The following RP1L1 variants were observed in gnomAD, a reference collection of about 807,000 sequenced individuals.
RP1L1 encodes the protein retinitis pigmentosa 1-like 1 protein.
A neutral mutation model predicts 15.7 loss-of-function variants in RP1L1; 27 were observed. The observed-to-expected ratio is 1.72, with a 90% CI of 1.27 to 2.38. The LOEUF (loss-of-function observed/expected upper bound fraction) is 2.38, where lower values mean the gene tolerates loss of function less well. Ranked by LOEUF, RP1L1 falls within the 30% of genes most tolerant of loss-of-function variation. The pLI is 0.00. For synonymous variants in RP1L1, 1,813 were observed against 1,276.7 expected (o/e 1.42, Z -8.96); for missense variants, 4,798 against 3,075.9 (o/e 1.56, Z -13.24).
chr8:10,617,386 G>A (rs1228286375), intron 2 of RP1L1, among the ~76,000 whole-genome samples: 1 of 125,450 alleles, frequency 8.0e-6, no homozygotes, highest in Non-Finnish European at 1.6e-5. Context: ...AATTATAAGG[G>A]TATGCTCATT....
chr8:10,650,229 T>G (rs1798538780), intron 1 of RP1L1, among the ~76,000 whole-genome samples: 1 of 152,102 alleles, frequency 6.6e-6, no homozygotes. Flanking sequence ...AGTGAGTTAA[T>G]CAACCCCAAA....
rs1440669904 is a variant in RP1L1, at chr8:10,607,337, T to G, written c.6761A>C (p.Gln2254Pro). ...AGATTGGCCATCTCCTAGACTGACC[T>G]GAGGGCTCCCCTTTTTCTCACCTTG... ...ETQGEKKGSP[Q>P]VSLGDGQSEE... Residue 2254 changes from glutamine (Q) to proline (P), a missense_variant, in exon 4 of 4, where the codon CAG (glutamine) becomes CCG (proline). By Grantham distance (76) the Gln-to-Pro change is moderately conservative. Coordinates refer to ENST00000382483, the MANE Select transcript of RP1L1 (RefSeq NM_178857.6). 6 of 1,614,116 alleles carry G rather than the reference T, an allele frequency of 3.7e-6. No individual in the cohort carries two copies. Among genetic ancestry groups the G allele is most frequent in the African/African-American group, 1.3e-5 (1 of 74,950 alleles).
At position 10,623,004 on chromosome 8, in the gene RP1L1, G is replaced by C. The variant is rs148800956; in HGVS notation, c.198C>G (p.Asp66Glu). ...AGAGAGGCACGCGCTGGGAGAGCTC[G>C]TCCATGAGGGCGCTGAAGGTCTTAA... ...RAFKTFSALMDELSQRVPLSF... is the reference protein window; with the variant it reads ...RAFKTFSALMEELSQRVPLSF... The change falls in exon 2 of 4, where the codon GAC (aspartate) becomes GAG (glutamate). Residue 66 changes from aspartate (D) to glutamate (E), a missense_variant. Transcript: ENST00000382483. The C allele has an allele frequency of 6.2e-6, 10 of 1,614,132 alleles. No individual in the cohort carries two copies. Among genetic ancestry groups the C allele is most frequent in the Admixed American group, 3.3e-5 (2 of 60,024 alleles).
At chr8:10,622,199 T>TA (rs748415525) in intron 2 of RP1L1, among the ~76,000 whole-genome samples, 3 of 152,030 alleles carry the variant, frequency 2.0e-5, no homozygotes, top group Non-Finnish European at 4.4e-5. Context: ...CACATGCCTG[T>TA]AATCCCAGCT....
At chr8:10,623,615 C>A (rs1335394023) in intron 1 of RP1L1, among the ~76,000 whole-genome samples, 12 of 150,544 alleles carry the variant, frequency 8.0e-5, no homozygotes, top group Non-Finnish European at 5.9e-5. Flanking sequence ...GTCCCCAGCA[C>A]TTCCATGTCC....
intron 3 of RP1L1, 45 bp from the exon 4 acceptor site, chr8:10,613,391 G>A: frequency 1.9e-6 from 3 of 1,598,264 alleles, no homozygotes; most frequent in Non-Finnish European, 2.5e-6. Flanking sequence ...AAGACTGTGA[G>A]CCATGGGGGC....
chr8:10,608,715 C>G lies in RP1L1; in HGVS notation c.5383G>C (p.Glu1795Gln). The change falls in exon 4 of 4, where the codon GAG becomes CAG. Residue 1795 changes from glutamate (E) to glutamine (Q), a missense_variant. Physicochemically the swap from Glu to Gln is conservative, Grantham distance 29. Coordinates refer to ENST00000382483, the MANE Select transcript of RP1L1 (RefSeq NM_178857.6). ...GTTTCTCCCCTTTCACTTATGCCCT[C>G]TCCCTCCTGCTCAGCTTCCCCCAAC... ...SELGEAEQEG[E>Q]GISERGETGG... 1 of 1,614,262 alleles carries G rather than the reference C, an allele frequency of 6.2e-7. No individual in the cohort carries two copies. The highest frequency in any genetic ancestry group is 8.5e-7 in the Non-Finnish European group (1 of 1,180,056).
Position 10,608,766 on chromosome 8 carries a change from T to C in RP1L1, c.5332A>G (p.Asn1778Asp). Residue 1778 changes from asparagine to aspartate, a missense_variant, in exon 4 of 4, where the codon AAC (asparagine) becomes GAC (aspartate). Coordinates refer to ENST00000382483, the MANE Select transcript of RP1L1 (RefSeq NM_178857.6). Reference sequence around the variant, plus strand: ...TCACTGCCCGCACTGGTTTCACTGTTGTGGGTTTTCCCTTCTCTCTCCTGA... The same window carrying C: ...TCACTGCCCGCACTGGTTTCACTGTCGTGGGTTTTCCCTTCTCTCTCCTGA... ...MAQEREGKTH[N>D]SETSAGSELG... The C allele has an allele frequency of 6.2e-7, 1 of 1,614,224 alleles. No homozygotes were observed. Among genetic ancestry groups the C allele is most frequent in the Non-Finnish European group, 8.5e-7 (1 of 1,180,042 alleles).
In RP1L1 at chr8:10,622,672, T is replaced by C; in HGVS notation, c.530A>G (p.Asn177Ser). ...TVVLSHRNTR[N>S]LAAFLGKASD... The stretch of plus-strand genomic sequence containing the variant: ...GGCTTTGCCGAGAAAGGCGGCCAGG[T>C]TCCTAGTATTCCTGTGACTGAGAAC... The change falls in exon 2 of 4, where the codon AAC becomes AGC. Residue 177 changes from asparagine (N) to serine (S), a missense_variant. Coordinates refer to ENST00000382483, the MANE Select transcript of RP1L1 (RefSeq NM_178857.6). The C allele has an allele frequency of 6.2e-7, 1 of 1,614,112 alleles. No homozygotes were observed. The highest frequency in any genetic ancestry group is 8.5e-7 in the Non-Finnish European group (1 of 1,180,022).
intron 1 of RP1L1, among the ~76,000 whole-genome samples, chr8:10,631,334 T>C (rs201767546): frequency 2.2e-3 from 29 of 13,388 alleles, no homozygotes; most frequent in East Asian, 0.028. Context: ...CACACACACA[T>C]GCACACACAC....
At chr8:10,646,927 T>TC (rs1019803463) in intron 1 of RP1L1, among the ~76,000 whole-genome samples, 24 of 151,960 alleles carry the variant, frequency 1.6e-4, no homozygotes, top group Admixed American at 1.3e-3. Context: ...AATGCCAACC[T>TC]CCCCCCCTCA....
intron 1 of RP1L1, among the ~76,000 whole-genome samples, chr8:10,646,272 G>A (rs1246469552): frequency 2.6e-5 from 4 of 152,224 alleles, no homozygotes; most frequent in Non-Finnish European, 2.9e-5. Flanking sequence ...GGTGGAGGAC[G>A]TGGAGGCTCA....
intron 3 of RP1L1, among the ~76,000 whole-genome samples, chr8:10,613,600 C>CAAAAAAAAAAAAAA (rs71203341): frequency 1.6e-5 from 1 of 62,376 alleles, no homozygotes. Context: ...ACCATCTCTC[C>CAAAAAAAAAAAAAA]AAAAAAAAAA....
chr8:10,617,894 T>C (rs1797996886), intron 2 of RP1L1, among the ~76,000 whole-genome samples: 1 of 152,160 alleles, frequency 6.6e-6, no homozygotes, highest in Non-Finnish European at 1.5e-5. Context: ...ATTTCTTCTT[T>C]GATTTGGACT....
chr8:10,616,972 C>A (rs1430036797), intron 2 of RP1L1, among the ~76,000 whole-genome samples: 1 of 152,166 alleles, frequency 6.6e-6, no homozygotes, highest in Non-Finnish European at 1.5e-5. Context: ...CACAGCGGGG[C>A]CCGATTCACT....
chr8:10,633,049 A>C (rs1798275755), intron 1 of RP1L1, among the ~76,000 whole-genome samples: 1 of 152,166 alleles, frequency 6.6e-6, no homozygotes, highest in South Asian at 2.1e-4. Context: ...TTTATGGAAG[A>C]GACATGGGCA....
At position 10,610,544 on chromosome 8, in the gene RP1L1, C is replaced by T. The variant is rs75613131; in HGVS notation, c.3554G>A (p.Gly1185Glu). Reference protein sequence around the residue: ...LTWSQALPDLGSHAMTENFTP... With the variant: ...LTWSQALPDLESHAMTENFTP... ...GAAGTTCTCCGTCATGGCATGGGAC[C>T]CAAGGTCTGGCAGAGCCTGGCTCCA... The change falls in exon 4 of 4, where the codon GGG (glycine) becomes GAG (glutamate). Residue 1185 changes from glycine to glutamate, a missense_variant. By Grantham distance (98) the Gly-to-Glu change is moderately conservative. Transcript: ENST00000382483. 3.4e-4 allele frequency: 547 copies of T among 1,613,730 alleles called. 4 individuals carry two copies. The African/African-American group carries it at 6.7e-3, about 20-fold the overall frequency.
intron 1 of RP1L1, among the ~76,000 whole-genome samples, chr8:10,627,004 T>C (rs1163110896): frequency 6.6e-6 from 1 of 152,150 alleles, no homozygotes; most frequent in Non-Finnish European, 1.5e-5. Context: ...CGTGTTGGCA[T>C]GGATGGGGAG....
In RP1L1 at chr8:10,616,731, C is replaced by G. The variant is rs951081666; in HGVS notation, c.610-144G>C. 4.4e-6 allele frequency: 4 copies of G among 901,000 alleles called. No individual in the cohort carries two copies. In the Admixed American group the frequency reaches 1.1e-4, roughly 26 times the overall value. 55.8% of individuals were successfully genotyped at this position (901,000 alleles called of 1,614,324 possible). On this transcript the variant is annotated intron_variant, in intron 2 of 3. Coordinates refer to ENST00000382483, the MANE Select transcript of RP1L1 (RefSeq NM_178857.6). ...CCAGACTCCTGGTCCAAGGAGGGGT[C>G]TTATCCACTCCCCATAACACCTCTA... is the stretch of plus-strand genomic sequence containing the variant.
Sources: allele counts gnomAD v4.1 joint callset (sites outside exome capture counted in the v4.1 genomes callset), GRCh38; gene constraint gnomAD v4.1.1; transcripts MANE v1.5; gene names NCBI Gene and HGNC (gene_info 2026-07-23, HGNC 2026-07-21).